Variants in SLC47A1 observed in about 807,000 individuals in gnomAD.
The protein encoded by SLC47A1 is solute carrier family 47 member 1, also known as multidrug and toxin extrusion protein 1.
A neutral mutation model predicts 65.8 loss-of-function variants in SLC47A1; 58 were observed. The observed-to-expected ratio is 0.88, with a 90% CI of 0.71 to 1.10. The LOEUF (loss-of-function observed/expected upper bound fraction) is 1.10. Among genes scored for constraint, SLC47A1 ranks in the 50% least tolerant of loss-of-function variants. The pLI is 0.00. For missense variants in SLC47A1, 706 were observed against 719.2 expected, an observed-to-expected ratio of 0.98 and a Z score of 0.21; for synonymous variants, 285 against 295.0, an observed-to-expected ratio of 0.97 and a Z score of 0.35.
Position 19,563,850 on chromosome 17 carries a change from G to A in SLC47A1, c.1107-2940G>A, listed in dbSNP as rs189457713. On this transcript the variant is annotated intron_variant, in intron 12 of 16. Transcript: ENST00000270570. ...AAAAAATACAAAAAATTAGCCGGGCGTGGTGGCACGCACCTGTAGTCCCAG... is the reference window on the plus strand; with the variant it reads ...AAAAAATACAAAAAATTAGCCGGGCATGGTGGCACGCACCTGTAGTCCCAG... Among the ~76,000 whole-genome samples, 347 of 152,104 alleles carry A rather than the reference G, an allele frequency of 2.3e-3. 1 individual carries two copies. The highest frequency in any genetic ancestry group is 7.9e-3 in the African/African-American group (326 of 41,504).
In SLC47A1 at chr17:19,555,806, C is replaced by T. The variant is rs760023373; in HGVS notation, c.750C>T (p.Leu250=). 1.9e-6 allele frequency: 3 copies of T among 1,613,590 alleles called. No individual in the cohort carries two copies. The highest frequency in any genetic ancestry group is 1.7e-5 in the Admixed American group (1 of 60,028). ...LHQATWGGWS[L]ECLQDWASFL... ...GTGTCCCCCCCACAGGCTGGTCCCT[C>T]GAGTGCCTGCAGGACTGGGCCTCCT... is the stretch of plus-strand genomic sequence containing the variant. The change falls in exon 9 of 17, where the codon CTC becomes CTT. Residue 250 remains leucine, a synonymous_variant. Transcript: ENST00000270570.
chr17:19,562,520 G>A (rs1181276222), intron 12 of SLC47A1, among the ~76,000 whole-genome samples: 1 of 151,372 alleles, frequency 6.6e-6, no homozygotes, highest in African/African-American at 2.4e-5. Flanking sequence ...AGCTGAGATT[G>A]TGCCACTGCA....
At chr17:19,560,050 G>A (rs1164808348) in intron 10 of SLC47A1, 138 bp from the exon 11 acceptor site, 5 of 628,772 alleles carry the variant, frequency 8.0e-6, no homozygotes, top group East Asian at 2.8e-5. Flanking sequence ...CTAGACAAAG[G>A]GGATGTTGCA....
intron 1 of SLC47A1, chr17:19,534,375 C>G (rs1336365014): frequency 5.9e-6 from 2 of 338,050 alleles, no homozygotes; most frequent in African/African-American, 2.1e-5. Context: ...CGCCAGGAGA[C>G]ACCGGAGAGC....
intron 16 of SLC47A1, among the ~76,000 whole-genome samples, chr17:19,573,275 T>C (rs2250486): frequency 0.26 from 39,797 of 152,098 alleles, 6,175 homozygotes; most frequent in African/African-American, 0.43. Context: ...AATGTGGTTA[T>C]GGTTTTCTTC....
chr17:19,554,946 CT>C (rs1292772002), intron 6 of SLC47A1, among the ~76,000 whole-genome samples: 1 of 152,180 alleles, frequency 6.6e-6, no homozygotes, highest in Non-Finnish European at 1.5e-5. Context: ...CATTTATCTT[CT>C]TCCTTCCCTG....
At chr17:19,572,928 G>GA in intron 16 of SLC47A1, 67 bp downstream of exon 16, 1 of 1,343,828 alleles carries the variant, frequency 7.4e-7, no homozygotes, top group Non-Finnish European at 1.1e-6. Flanking sequence ...CTGTTAGTGA[G>GA]ACACAGCTAG....
rs779620716 is a variant in SLC47A1, at chr17:19,548,098, C to T, written c.420C>T (p.Ile140=). 3 of 1,613,974 alleles carry T rather than the reference C, an allele frequency of 1.9e-6. No homozygotes were observed. Among genetic ancestry groups the T allele is most frequent in the Non-Finnish European group, 2.5e-6 (3 of 1,180,000 alleles). Residue 140 remains isoleucine (I), a synonymous_variant, in exon 4 of 17, where the codon ATC becomes ATT. Transcript: ENST00000270570. The part of the protein sequence containing the change: ...CWALFLNTQH[I]LLLFRQDPDV... ...CGCTCTTTCTCAACACCCAGCACAT[C>T]CTGCTGCTCTTCAGGCAGGACCCAG...
chr17:19,555,791 C>CA lies in SLC47A1; in HGVS notation c.740-4dup, dbSNP rs759487639. 5 of 1,613,496 alleles carry CA rather than the reference C, an allele frequency of 3.1e-6. No individual in the cohort carries two copies. The highest frequency in any genetic ancestry group is 3.3e-5 in the Admixed American group (2 of 60,030). ...CTCCTGGAAATGTGTGTGTCCCCCC[C>CA]ACAGGCTGGTCCCTCGAGTGCCTGC... On this transcript the variant is annotated splice_polypyrimidine_tract_variant and splice_region_variant and intron_variant, in intron 8 of 16. Coordinates refer to ENST00000270570, the MANE Select transcript of SLC47A1 (RefSeq NM_018242.3).
At chr17:19,558,794 G>A (rs1020711067) in intron 10 of SLC47A1, among the ~76,000 whole-genome samples, 3 of 152,106 alleles carry the variant, frequency 2.0e-5, no homozygotes, top group Non-Finnish European at 2.9e-5. Context: ...GGTTTCTCCT[G>A]TCAAGTTACT....
chr17:19,535,824 G>A (rs1007465525), intron 1 of SLC47A1, among the ~76,000 whole-genome samples: 1 of 152,198 alleles, frequency 6.6e-6, no homozygotes, highest in African/African-American at 2.4e-5. Context: ...TCAGGAAGCA[G>A]CTGTGCAGAT....
At position 19,563,128 on chromosome 17, in the gene SLC47A1, CTTTTTT is replaced by C. The variant is rs572651224; in HGVS notation, c.1106+2654_1106+2659del. On this transcript the variant is annotated intron_variant, in intron 12 of 16. Coordinates refer to ENST00000270570, the MANE Select transcript of SLC47A1 (RefSeq NM_018242.3). The stretch of plus-strand genomic sequence containing the variant: ...ATTTCCTGTAAGAAATAAGAGAAAG[CTTTTTT>C]TTTTTTTTTTTTTTTTTTGACGGAG... Among the ~76,000 whole-genome samples, 4 of 82,642 alleles carry C rather than the reference CTTTTTT, an allele frequency of 4.8e-5. No homozygotes were observed. In the Admixed American group the frequency reaches 5.0e-4, roughly 10 times the overall value. 54.2% of individuals were successfully genotyped at this position (82,642 alleles called of 152,430 possible).
At chr17:19,573,845 C>T (rs2084418503) in intron 16 of SLC47A1, among the ~76,000 whole-genome samples, 1 of 151,392 alleles carries the variant, frequency 6.6e-6, no homozygotes, top group Non-Finnish European at 1.5e-5. Context: ...GGAAATGGAG[C>T]TTTCTGGAGC....
intron 14 of SLC47A1, among the ~76,000 whole-genome samples, chr17:19,570,023 G>A (rs904346687): frequency 2.6e-5 from 4 of 152,148 alleles, no homozygotes; most frequent in Admixed American, 6.5e-5. Context: ...AAGGCAGGAG[G>A]ATCACTTGAC....
Position 19,542,444 on chromosome 17 carries a change from T to C in SLC47A1, c.187T>C (p.Cys63Arg). Reference sequence around the variant, plus strand: ...GATCAGCTTCATAAGCTCCGTGTTCTGTGGCCACCTGGGCAAGCTGGAGCT... The same window carrying C: ...GATCAGCTTCATAAGCTCCGTGTTCCGTGGCCACCTGGGCAAGCTGGAGCT... ...FLISFISSVFCGHLGKLELDA... is the reference protein window; with the variant it reads ...FLISFISSVFRGHLGKLELDA... Residue 63 changes from cysteine to arginine, a missense_variant, in exon 2 of 17, where the codon TGT becomes CGT. By Grantham distance (180) the Cys-to-Arg change is radical (BLOSUM62 -3). Transcript: ENST00000270570. 1 of 1,612,602 alleles carries C rather than the reference T, an allele frequency of 6.2e-7. No individual in the cohort carries two copies. Among genetic ancestry groups the C allele is most frequent in the Non-Finnish European group, 8.5e-7 (1 of 1,179,504 alleles).
At chr17:19,541,031 G>A (rs1916133922) in intron 1 of SLC47A1, among the ~76,000 whole-genome samples, 1 of 152,162 alleles carries the variant, frequency 6.6e-6, no homozygotes, top group Non-Finnish European at 1.5e-5. Flanking sequence ...TCCTGACGTA[G>A]CAGTTTTGGG....
At chr17:19,565,484 A>G (rs989506265) in intron 12 of SLC47A1, among the ~76,000 whole-genome samples, 7 of 151,842 alleles carry the variant, frequency 4.6e-5, no homozygotes, top group African/African-American at 1.5e-4. Flanking sequence ...TGATTTGTCT[A>G]CACTGACCAG....
Position 19,560,174 on chromosome 17 carries a change from C to T in SLC47A1, c.922-14C>T, listed in dbSNP as rs752866508. The T allele has an allele frequency of 1.9e-6, 3 of 1,592,794 alleles. No homozygotes were observed. Among genetic ancestry groups the T allele is most frequent in the East Asian group, 4.5e-5 (2 of 44,760 alleles). On this transcript the variant is annotated splice_polypyrimidine_tract_variant and intron_variant, in intron 10 of 16. Transcript: ENST00000270570. ...GTTTCTCACTCATTGTTGCAGGTTT[C>T]CTTTTTATTTTAGGTCCCTGCAGGC...
At chr17:19,551,574 G>A in intron 6 of SLC47A1, 106 bp downstream of exon 6, 1 of 959,906 alleles carries the variant, frequency 1.0e-6, no homozygotes, top group Non-Finnish European at 1.7e-6. Flanking sequence ...AGGGTGGAGG[G>A]AGCTCACTGC....
Sources: gnomAD v4.1 joint callset for allele counts (sites outside exome capture counted in the v4.1 genomes callset) on GRCh38, gnomAD v4.1.1 for gene constraint, MANE v1.5 for transcripts, NCBI Gene and HGNC (gene_info 2026-07-23, HGNC 2026-07-21) for gene names.